SCP2: variants seen among roughly 807,000 people sequenced by gnomAD.
The protein encoded by SCP2 is SCP-2/3-oxoacyl-CoA thiolase.
In SCP2, 48 loss-of-function variants were observed where a neutral mutation model predicts 71.4. The ratio of observed to expected loss-of-function variants is 0.67; its 90% CI spans 0.53 to 0.86. The LOEUF (loss-of-function observed/expected upper bound fraction) is 0.86, where lower values mean the gene tolerates loss of function less well. Ranked by LOEUF, SCP2 falls within the 40% of genes least tolerant of loss-of-function variation. The pLI is 0.00. For missense variants in SCP2, 560 were observed against 655.6 expected, an observed-to-expected ratio of 0.85 and a Z score of 1.59; for synonymous variants, 220 against 218.1, an observed-to-expected ratio of 1.01 and a Z score of -0.08.
At chr1:53,049,963 G>A (rs1389244559) in intron 15 of SCP2, 3 of 152,112 alleles carry the variant, frequency 2.0e-5, no homozygotes, top group African/African-American at 7.2e-5. Flanking sequence ...ATTATGCTAC[G>A]TTCCCAATTT....
intron 1 of SCP2, among the ~76,000 whole-genome samples, chr1:52,936,857 G>T (rs1342989972): frequency 2.6e-5 from 4 of 151,976 alleles, no homozygotes; most frequent in African/African-American, 4.8e-5. Flanking sequence ...TTCTGGGGTG[G>T]AGGGCAAAGT....
chr1:52,965,630 G>T (rs1284442243), intron 6 of SCP2, among the ~76,000 whole-genome samples: 2 of 151,796 alleles, frequency 1.3e-5, no homozygotes, highest in Non-Finnish European at 1.5e-5. Flanking sequence ...GTATACAAAG[G>T]CTACTGATTT....
intron 4 of SCP2, among the ~76,000 whole-genome samples, chr1:52,952,308 CT>C (rs1557554659): frequency 6.6e-6 from 1 of 151,922 alleles, no homozygotes; most frequent in Non-Finnish European, 1.5e-5. Flanking sequence ...TACTTAATTC[CT>C]TTTCATGGCC....
chr1:52,946,356 G>A (rs1654795165), intron 2 of SCP2, among the ~76,000 whole-genome samples: 1 of 151,936 alleles, frequency 6.6e-6, no homozygotes, highest in African/African-American at 2.4e-5. Context: ...AGCTTCCCAA[G>A]TACCTGGGAC....
intron 13 of SCP2, among the ~76,000 whole-genome samples, chr1:53,031,520 TTC>T (rs1249967302): frequency 4.6e-5 from 7 of 152,360 alleles, no homozygotes; most frequent in African/African-American, 9.6e-5. Context: ...CTTCTTTGAA[TTC>T]TGTCTTAATT....
chr1:53,026,455 A>G (rs61004371), intron 12 of SCP2, among the ~76,000 whole-genome samples: 12 of 152,194 alleles, frequency 7.9e-5, no homozygotes, highest in South Asian at 2.1e-4. Context: ...TCTGTTCACT[A>G]TCATATCCCC....
chr1:52,998,181 G>A (rs1392682195), intron 11 of SCP2, among the ~76,000 whole-genome samples: 2 of 152,170 alleles, frequency 1.3e-5, no homozygotes, highest in Admixed American at 6.5e-5. Context: ...GTTTAGGGCT[G>A]CATGAATAAA....
chr1:53,017,637 G>C (rs1661425188), intron 12 of SCP2, among the ~76,000 whole-genome samples: 1 of 152,038 alleles, frequency 6.6e-6, no homozygotes, highest in South Asian at 2.1e-4. Context: ...CTTTTTAATG[G>C]AAAACTAAGT....
At chr1:52,993,653 T>C in intron 11 of SCP2, 4 of 1,612,392 alleles carry the variant, frequency 2.5e-6, no homozygotes, top group Non-Finnish European at 3.4e-6. Flanking sequence ...CACACACTGC[T>C]TTGTGTAAGA....
intron 8 of SCP2, among the ~76,000 whole-genome samples, chr1:52,977,974 A>G (rs1241928831): frequency 6.6e-6 from 1 of 152,156 alleles, no homozygotes; most frequent in African/African-American, 2.4e-5. Flanking sequence ...CTCAAAAAAA[A>G]AAAAAAGAAC....
intron 14 of SCP2, among the ~76,000 whole-genome samples, chr1:53,042,903 G>T (rs949429192): frequency 1.3e-5 from 2 of 152,084 alleles, no homozygotes; most frequent in African/African-American, 4.8e-5. Context: ...GTGCCTTTTA[G>T]TATCTTCTCC....
rs76526122 is a variant in SCP2, at chr1:53,017,630, T to C, written c.1235+2587T>C. Reference sequence around the variant, plus strand: ...ATATTTGGATTATTCCCATTTTCTTTTTAATGGAAAACTAAGTTAGCTTGA... The same window carrying C: ...ATATTTGGATTATTCCCATTTTCTTCTTAATGGAAAACTAAGTTAGCTTGA... On this transcript the variant is annotated intron_variant, in intron 12 of 15. Transcript: ENST00000371514. 6.2e-3 allele frequency among the ~76,000 whole-genome samples: 951 copies of C among 152,338 alleles called. 16 individuals carry two copies. Among genetic ancestry groups the C allele is most frequent in the African/African-American group, 0.022 (914 of 41,574 alleles).
chr1:53,014,872 C>T lies in SCP2; in HGVS notation c.1082-18C>T, dbSNP rs750131201. 2.5e-6 allele frequency: 4 copies of T among 1,612,144 alleles called. No homozygotes were observed. Among genetic ancestry groups the T allele is most frequent in the Non-Finnish European group, 3.4e-6 (4 of 1,179,694 alleles). On this transcript the variant is annotated intron_variant, in intron 11 of 15. Transcript: ENST00000371514. The stretch of plus-strand genomic sequence containing the variant: ...AAGCTGGTGGAAGCAGCTCAGTGCT[C>T]TGTGTTCGATTTGTTAGGTCTTGCT...
At chr1:53,025,956 T>C (rs1662102109) in intron 12 of SCP2, among the ~76,000 whole-genome samples, 1 of 152,204 alleles carries the variant, frequency 6.6e-6, no homozygotes, top group South Asian at 2.1e-4. Flanking sequence ...TTATAGAGAC[T>C]CTGGTCTTAT....
Position 52,954,803 on chromosome 1 carries a change from AAGTG to A in SCP2, c.396+4_396+7del. On this transcript the variant is annotated splice_donor_variant and splice_donor_region_variant and coding_sequence_variant and intron_variant, in exon 5 of 16. Transcript: ENST00000371514. LOFTEE classifies it high-confidence loss of function. Reference sequence around the variant, plus strand: ...ATGAGTAAGGGAAGCCTTGGAATAAAAGTGAGTGTTATTTTGGCATAGTTACTAA... The same window carrying A: ...ATGAGTAAGGGAAGCCTTGGAATAAAAGTGTTATTTTGGCATAGTTACTAA... 6.2e-7 allele frequency: 1 copy of A among 1,612,494 alleles called. No individual in the cohort carries two copies. Among genetic ancestry groups the A allele is most frequent in the Non-Finnish European group, 8.5e-7 (1 of 1,178,536 alleles).
intron 14 of SCP2, among the ~76,000 whole-genome samples, chr1:53,043,468 A>G (rs144836982): frequency 6.6e-6 from 1 of 152,246 alleles, no homozygotes; most frequent in East Asian, 1.9e-4. Flanking sequence ...GAGCTGTTGA[A>G]TGTTTACATA....
chr1:52,953,092 G>T (rs1655468387), intron 4 of SCP2, among the ~76,000 whole-genome samples: 1 of 138,784 alleles, frequency 7.2e-6, no homozygotes. Flanking sequence ...TTCAGCTTCT[G>T]CAGGAATATT....
intron 11 of SCP2, among the ~76,000 whole-genome samples, chr1:53,005,661 A>C (rs1660587489): frequency 6.6e-6 from 1 of 152,220 alleles, no homozygotes; most frequent in Non-Finnish European, 1.5e-5. Context: ...AAATCCACAA[A>C]GATGAGGAGA....
intron 6 of SCP2, among the ~76,000 whole-genome samples, chr1:52,967,902 T>C (rs1657124930): frequency 6.6e-6 from 1 of 152,216 alleles, no homozygotes. Context: ...GCACCCCTTC[T>C]GGCAGCAGAT....
Sources: gnomAD v4.1 joint callset for allele counts (sites outside exome capture counted in the v4.1 genomes callset) on GRCh38, gnomAD v4.1.1 for gene constraint, MANE v1.5 for transcripts, NCBI Gene and HGNC (gene_info 2026-07-23, HGNC 2026-07-21) for gene names.